The following SLC1A2 variants were observed in gnomAD, a reference collection of about 807,000 sequenced individuals.
SLC1A2 encodes excitatory amino acid transporter 2.
A neutral mutation model predicts 48.8 loss-of-function variants in SLC1A2; 15 were observed. That is an observed-to-expected ratio of 0.31 (90% CI 0.21 to 0.47). The LOEUF is 0.47. Ranked by LOEUF, SLC1A2 falls within the 20% of genes least tolerant of loss-of-function variation. SLC1A2 has a pLI of 0.99. For synonymous variants in SLC1A2, 279 were observed against 272.6 expected (o/e 1.02, Z -0.23); for missense variants, 502 against 730.5 (o/e 0.69, Z 3.61).
intron 7 of SLC1A2, chr11:35,291,250 G>A (rs1324843546): frequency 2.6e-5 from 4 of 151,878 alleles, no homozygotes; most frequent in Admixed American, 6.6e-5. Context: ...CAATTGTAAG[G>A]CATTTCTTTC....
At chr11:35,303,631 C>A (rs190865387) in intron 5 of SLC1A2, among the ~76,000 whole-genome samples, 2 of 152,178 alleles carry the variant, frequency 1.3e-5, no homozygotes, top group East Asian at 3.9e-4. Context: ...AGAGAAAATG[C>A]CCGAGGTATC....
Position 35,260,019 on chromosome 11 carries a change from C to A in SLC1A2, c.*875G>T, listed in dbSNP as rs534957865. ...GGGTTAAACAAAGCAAAACACATAC[C>A]AAATAATCTCATTTGATTTTACTAC... On this transcript the variant is annotated 3_prime_UTR_variant, in exon 11 of 11. Transcript: ENST00000278379. 3.3e-4 allele frequency: 50 copies of A among 152,232 alleles called. No homozygotes were observed. The highest frequency in any genetic ancestry group is 1.1e-3 in the African/African-American group (47 of 41,538). 9.4% of individuals were successfully genotyped at this position (152,232 alleles called of 1,614,324 possible). A position where few individuals can be genotyped will look rare whatever the true frequency, so the allele number is the denominator to read the frequency against.
At chr11:35,408,455 T>C (rs1179346312) in intron 1 of SLC1A2, among the ~76,000 whole-genome samples, 4 of 150,442 alleles carry the variant, frequency 2.7e-5, no homozygotes, top group Non-Finnish European at 5.9e-5. Context: ...CAAGATCTGA[T>C]GGGTTTATCA....
chr11:35,325,519 T>C (rs1372556093), intron 1 of SLC1A2, among the ~76,000 whole-genome samples: 1 of 152,232 alleles, frequency 6.6e-6, no homozygotes, highest in East Asian at 1.9e-4. Flanking sequence ...AATGAATGGA[T>C]GATTAGGTTA....
chr11:35,285,600 A>G (rs1382386147), intron 8 of SLC1A2: 5 of 152,240 alleles, frequency 3.3e-5, no homozygotes, highest in Non-Finnish European at 7.3e-5. Context: ...AATAAAACTT[A>G]TAAATTGTTG....
chr11:35,296,314 C>T (rs926828681), intron 6 of SLC1A2, among the ~76,000 whole-genome samples: 13 of 152,172 alleles, frequency 8.5e-5, no homozygotes, highest in African/African-American at 2.9e-4. Flanking sequence ...GTCAATAGAC[C>T]TAAACACACA....
intron 1 of SLC1A2, among the ~76,000 whole-genome samples, chr11:35,378,764 A>G (rs929252175): frequency 6.6e-6 from 1 of 152,210 alleles, no homozygotes; most frequent in Non-Finnish European, 1.5e-5. Context: ...GGTTCTCTTC[A>G]GTTAAGCTCT....
intron 4 of SLC1A2, among the ~76,000 whole-genome samples, chr11:35,311,295 G>A (rs1407242845): frequency 2.0e-5 from 3 of 152,150 alleles, no homozygotes; most frequent in African/African-American, 7.2e-5. Flanking sequence ...GAGTAGCTGG[G>A]ATTACAGGCA....
intron 1 of SLC1A2, among the ~76,000 whole-genome samples, chr11:35,393,616 T>C (rs951644173): frequency 6.6e-6 from 1 of 152,212 alleles, no homozygotes; most frequent in Admixed American, 6.5e-5. Context: ...GCTAAACCTT[T>C]AATTGAATTA....
rs1324497228 is a variant in SLC1A2 at position 35,342,497 on chromosome 11, T to G, written c.18-24981A>C. 2.0e-5 allele frequency among the ~76,000 whole-genome samples: 3 copies of G among 149,234 alleles called. No individual in the cohort carries two copies. In the East Asian group the frequency reaches 5.9e-4, roughly 29 times the overall value. ...CAGAGTTTATTTCTCTCAGATGTAA[T>G]GTACCTCTCAAATGAGTGTTTTTTT... On this transcript the variant is annotated intron_variant, in intron 1 of 10. Transcript: ENST00000278379.
intron 1 of SLC1A2, among the ~76,000 whole-genome samples, chr11:35,369,503 G>C (rs1467657269): frequency 6.6e-6 from 1 of 152,174 alleles, no homozygotes; most frequent in African/African-American, 2.4e-5. Context: ...CATGCTGGAG[G>C]TTGGAAATAA....
intron 1 of SLC1A2, among the ~76,000 whole-genome samples, chr11:35,351,297 C>A (rs948642576): frequency 1.3e-5 from 2 of 152,216 alleles, no homozygotes; most frequent in African/African-American, 4.8e-5. Context: ...ATGCTCTCCC[C>A]AGTGAACTTC....
chr11:35,341,486 A>AT (rs1342294395), intron 1 of SLC1A2, among the ~76,000 whole-genome samples: 1 of 152,258 alleles, frequency 6.6e-6, no homozygotes, highest in Non-Finnish European at 1.5e-5. Flanking sequence ...TAATTTAAAA[A>AT]TATTTTTTTA....
At chr11:35,339,910 A>G (rs1244152085) in intron 1 of SLC1A2, among the ~76,000 whole-genome samples, 1 of 152,132 alleles carries the variant, frequency 6.6e-6, no homozygotes, top group Non-Finnish European at 1.5e-5. Flanking sequence ...TCCTATGTGC[A>G]TTTATTGCTT....
At chr11:35,407,798 A>G (rs189436056) in intron 1 of SLC1A2, among the ~76,000 whole-genome samples, 210 of 152,074 alleles carry the variant, frequency 1.4e-3, no homozygotes, top group Non-Finnish European at 2.2e-3. Flanking sequence ...TGCACCCCGC[A>G]CCCCGTGAAT....
chr11:35,258,652 T>G lies in SLC1A2; in HGVS notation c.*2242A>C, dbSNP rs754153585. 1.3e-5 allele frequency: 2 copies of G among 152,470 alleles called. No homozygotes were observed. Among genetic ancestry groups the G allele is most frequent in the Non-Finnish European group, 2.9e-5 (2 of 68,098 alleles). The allele number at this position is 152,470 out of a possible 1,614,324, so 9.4% of individuals were successfully genotyped here. On this transcript the variant is annotated 3_prime_UTR_variant, in exon 11 of 11. Transcript: ENST00000278379. The stretch of plus-strand genomic sequence containing the variant: ...CCTATAACATTTGCTGTAAAGAATG[T>G]ATTTTCTGGCCGGGCACGGTGGCTC...
intron 8 of SLC1A2, among the ~76,000 whole-genome samples, chr11:35,284,543 TTGTGTGTGTG>T (rs34712517): frequency 3.3e-5 from 5 of 149,938 alleles, no homozygotes; most frequent in Admixed American, 1.3e-4. Context: ...TGTTTTCATA[TTGTGTGTGTG>T]TGTGTGTGTG....
At chr11:35,322,513 G>C in intron 1 of SLC1A2, 1 of 1,156,732 alleles carries the variant, frequency 8.6e-7, no homozygotes, top group Admixed American at 2.0e-5. Context: ...AAAAGCAACT[G>C]GTGTGTTTCT....
upstream of SLC1A2, among the ~76,000 whole-genome samples, chr11:35,420,338 T>C (rs188000229): frequency 3.4e-4 from 51 of 151,876 alleles, no homozygotes; most frequent in African/African-American, 1.2e-3. Context: ...TCCGGACGCC[T>C]TTGCATAAAA....
Sources: gnomAD v4.1 joint callset for allele counts (sites outside exome capture counted in the v4.1 genomes callset) on GRCh38, gnomAD v4.1.1 for gene constraint, MANE v1.5 for transcripts, NCBI Gene and HGNC (gene_info 2026-07-23, HGNC 2026-07-21) for gene names.